Variants in KCNIP1 observed in about 807,000 individuals in gnomAD.
KCNIP1 encodes the protein A-type potassium channel modulatory protein KCNIP1.
KCNIP1 carries 18 observed loss-of-function variants against 33.0 expected under a neutral mutation model. The ratio of observed to expected loss-of-function variants is 0.55; its 90% CI spans 0.38 to 0.81. The LOEUF (loss-of-function observed/expected upper bound fraction) is 0.81. Among genes scored for constraint, KCNIP1 ranks in the 30% least tolerant of loss-of-function variants. The pLI, the probability that KCNIP1 is intolerant of heterozygous loss-of-function variation, is 0.00. For missense variants in KCNIP1, 238 were observed against 271.6 expected, an observed-to-expected ratio of 0.88 and a Z score of 0.87; for synonymous variants, 93 against 98.3, an observed-to-expected ratio of 0.95 and a Z score of 0.32.
chr5:170,412,378 G>A (rs1755218261), intron 1 of KCNIP1, among the ~76,000 whole-genome samples: 1 of 152,258 alleles, frequency 6.6e-6, no homozygotes, highest in South Asian at 2.1e-4. Context: ...CTTTTTTCCT[G>A]CAGGCAGGAG....
intron 1 of KCNIP1, among the ~76,000 whole-genome samples, chr5:170,413,502 G>A (rs1240672251): frequency 6.6e-6 from 1 of 152,134 alleles, no homozygotes; most frequent in Non-Finnish European, 1.5e-5. Context: ...TCTCTCCTGG[G>A]TGTGACCTTG....
chr5:170,559,531 C>G (rs1020366594), intron 1 of KCNIP1, among the ~76,000 whole-genome samples: 1 of 152,158 alleles, frequency 6.6e-6, no homozygotes, highest in Non-Finnish European at 1.5e-5. Context: ...CAAAAATCCC[C>G]TCCTCTGTTA....
intron 1 of KCNIP1, among the ~76,000 whole-genome samples, chr5:170,699,024 C>G (rs557084169): frequency 2.0e-5 from 3 of 152,168 alleles, no homozygotes; most frequent in South Asian, 2.1e-4. Flanking sequence ...GGGCTCCACC[C>G]CTTCCACATC....
At chr5:170,370,695 A>G (rs1170600102) in intron 1 of KCNIP1, among the ~76,000 whole-genome samples, 1 of 152,214 alleles carries the variant, frequency 6.6e-6, no homozygotes, top group Non-Finnish European at 1.5e-5. Context: ...CTGTCCCTCA[A>G]GGAGGGAGAC....
chr5:170,669,560 C>T, intron 1 of KCNIP1: 10 of 985,284 alleles, frequency 1.0e-5, no homozygotes, highest in Non-Finnish European at 1.2e-5. Flanking sequence ...AAGTAGCAGG[C>T]TTCCAGCAGC....
chr5:170,597,943 ACT>A (rs771432195), intron 1 of KCNIP1, among the ~76,000 whole-genome samples: 2 of 151,514 alleles, frequency 1.3e-5, no homozygotes, highest in African/African-American at 4.9e-5. Context: ...CTGTTTGAAA[ACT>A]CTGTCCGGAA....
chr5:170,547,855 A>G (rs914186669), intron 1 of KCNIP1, among the ~76,000 whole-genome samples: 1 of 152,204 alleles, frequency 6.6e-6, no homozygotes, highest in Non-Finnish European at 1.5e-5. Context: ...TCTTTATAAT[A>G]GAATAATTTC....
intron 1 of KCNIP1, chr5:170,712,934 A>G: frequency 6.8e-7 from 1 of 1,472,252 alleles, no homozygotes; most frequent in Non-Finnish European, 9.5e-7. Flanking sequence ...TGACTTGCAA[A>G]GGCAGAGCTT....
chr5:170,524,659 C>T (rs1000357253), intron 1 of KCNIP1, among the ~76,000 whole-genome samples: 2 of 152,078 alleles, frequency 1.3e-5, no homozygotes, highest in Non-Finnish European at 2.9e-5. Context: ...AATGTGAAAT[C>T]CAAGTGTGGG....
intron 1 of KCNIP1, among the ~76,000 whole-genome samples, chr5:170,537,599 C>T (rs1756041540): frequency 6.6e-6 from 1 of 152,228 alleles, no homozygotes; most frequent in Non-Finnish European, 1.5e-5. Context: ...GAATGAGGCC[C>T]CTGCCTTCCG....
chr5:170,731,322 C>A (rs545857977), intron 5 of KCNIP1, among the ~76,000 whole-genome samples: 1 of 152,186 alleles, frequency 6.6e-6, no homozygotes, highest in South Asian at 2.1e-4. Context: ...ATAACTAAAC[C>A]AGGGATTAAC....
chr5:170,447,205 G>C (rs1365997656), intron 1 of KCNIP1, among the ~76,000 whole-genome samples: 1 of 143,962 alleles, frequency 6.9e-6, no homozygotes, highest in African/African-American at 2.6e-5. Context: ...TACTGCAAGA[G>C]AGAGGCAAAC....
At chr5:170,503,502 A>G (rs1234656565), upstream of KCNIP1, among the ~76,000 whole-genome samples, 2 of 151,896 alleles carry the variant, frequency 1.3e-5, no homozygotes, top group Admixed American at 1.3e-4. Flanking sequence ...GCCCTGCCAT[A>G]GGAGGATTCT....
intron 1 of KCNIP1, among the ~76,000 whole-genome samples, chr5:170,597,843 GAA>G (rs1167095034): frequency 7.4e-6 from 1 of 135,600 alleles, no homozygotes; most frequent in Admixed American, 7.2e-5. Context: ...AAGAAAGAAA[GAA>G]AAGAGAGAGA....
chr5:170,515,655 G>C (rs1177905570), intron 1 of KCNIP1, among the ~76,000 whole-genome samples: 1 of 152,212 alleles, frequency 6.6e-6, no homozygotes, highest in East Asian at 1.9e-4. Context: ...GAAGACTAGA[G>C]GGCATAAGCA....
intron 1 of KCNIP1, among the ~76,000 whole-genome samples, chr5:170,617,526 A>G (rs1329043161): frequency 1.3e-5 from 2 of 152,184 alleles, no homozygotes; most frequent in East Asian, 3.8e-4. Flanking sequence ...AAATTACAGC[A>G]GACAGAGGGG....
intron 1 of KCNIP1, among the ~76,000 whole-genome samples, chr5:170,588,819 G>A (rs1758097297): frequency 6.6e-6 from 1 of 152,104 alleles, no homozygotes; most frequent in Non-Finnish European, 1.5e-5. Flanking sequence ...CAGGGGTTCA[G>A]CATCCAGGCC....
chr5:170,510,369 G>A (rs1318890141), intron 1 of KCNIP1, among the ~76,000 whole-genome samples: 2 of 152,228 alleles, frequency 1.3e-5, no homozygotes, highest in African/African-American at 4.8e-5. Context: ...GCGGCATGGA[G>A]GTAAGGATGG....
chr5:170,379,222 A>T (rs917433020), intron 1 of KCNIP1, among the ~76,000 whole-genome samples: 43 of 152,226 alleles, frequency 2.8e-4, no homozygotes, highest in African/African-American at 1.0e-3. Context: ...CGCAGGTCCT[A>T]CCTTGGAGTC....
Sources: gnomAD v4.1 joint callset for allele counts (sites outside exome capture counted in the v4.1 genomes callset) on GRCh38, gnomAD v4.1.1 for gene constraint, MANE v1.5 for transcripts, NCBI Gene and HGNC (gene_info 2026-07-23, HGNC 2026-07-21) for gene names.